The following RNMT variants were observed in gnomAD, a reference collection of about 807,000 sequenced individuals.
The protein encoded by RNMT is mRNA cap guanine-N(7) methyltransferase.
Under a neutral mutation model 56.0 loss-of-function variants are expected in RNMT, and 27 were observed. The observed-to-expected ratio is 0.48, with a 90% CI of 0.36 to 0.67. The LOEUF (loss-of-function observed/expected upper bound fraction) is 0.67. Among genes scored for constraint, RNMT ranks in the 30% least tolerant of loss-of-function variants. RNMT has a pLI of 0.00. For missense variants in RNMT, 519 were observed against 552.1 expected (o/e 0.94, Z 0.60); for synonymous variants, 184 against 176.2 (o/e 1.04, Z -0.35).
intron 11 of RNMT, among the ~76,000 whole-genome samples, chr18:13,756,419 T>G (rs2044543870): frequency 6.6e-6 from 1 of 151,736 alleles, no homozygotes; most frequent in African/African-American, 2.4e-5. Context: ...TTGCTATGGG[T>G]GTGTGGGGGG....
Position 13,726,740 on chromosome 18 carries a change from C to CG in RNMT, c.-172+13dup, listed in dbSNP as rs2043959988. ...CGTTTGGCTGTGCTGGTGAGTGTGACGGCTGGAACTCCGGCCCTTCCTTTC... is the reference window on the plus strand; with the variant it reads ...CGTTTGGCTGTGCTGGTGAGTGTGACGGGCTGGAACTCCGGCCCTTCCTTTC... On this transcript the variant is annotated intron_variant, in intron 1 of 11. Coordinates refer to ENST00000383314, the MANE Select transcript of RNMT (RefSeq NM_003799.3). 2 of 152,362 alleles carry CG rather than the reference C, an allele frequency of 1.3e-5. No homozygotes were observed. Among genetic ancestry groups the CG allele is most frequent in the African/African-American group, 2.4e-5 (1 of 41,460 alleles). 9.4% of individuals were successfully genotyped at this position (152,362 alleles called of 1,614,324 possible).
chr18:13,743,945 TTACA>T (rs2044302376), intron 8 of RNMT, among the ~76,000 whole-genome samples: 1 of 152,008 alleles, frequency 6.6e-6, no homozygotes, highest in African/African-American at 2.4e-5. Flanking sequence ...AAAATATCAA[TTACA>T]TTTTCCTTTT....
intron 9 of RNMT, among the ~76,000 whole-genome samples, chr18:13,746,671 C>T (rs146152016): frequency 1.3e-5 from 2 of 152,312 alleles, no homozygotes; most frequent in Non-Finnish European, 2.9e-5. Flanking sequence ...CTGGCTTCTA[C>T]GCACTAGATG....
intron 8 of RNMT, 164 bp downstream of exon 8, chr18:13,742,816 A>T: frequency 3.7e-6 from 2 of 538,126 alleles, no homozygotes; most frequent in Non-Finnish European, 6.3e-6. Flanking sequence ...ACAAAACAAG[A>T]CTAGCTTCAC....
intron 8 of RNMT, 52 bp downstream of exon 8, chr18:13,742,704 A>G: frequency 7.7e-7 from 1 of 1,293,342 alleles, no homozygotes; most frequent in Non-Finnish European, 1.1e-6. Flanking sequence ...AAGGGAAAGA[A>G]AAGCGGGGAA....
rs1379263211 is a variant in RNMT, at chr18:13,761,843, AC to A, written c.*1870del. On this transcript the variant is annotated 3_prime_UTR_variant, in exon 12 of 12. Transcript: ENST00000383314. ...ATCAGTTCTTCCTCCACCACCCTAC[AC>A]CCCCCTCCCCCCGGCCCCAAGCCCC... is the stretch of plus-strand genomic sequence containing the variant. The A allele has an allele frequency of 7.8e-6, 9 of 1,149,678 alleles. No homozygotes were observed. Among genetic ancestry groups the A allele is most frequent in the Non-Finnish European group, 8.7e-6 (8 of 920,680 alleles). The allele number at this position is 1,149,678 out of a possible 1,614,324, so 71.2% of individuals were successfully genotyped here. A position where few individuals can be genotyped will look rare whatever the true frequency, so the allele number is the denominator to read the frequency against.
chr18:13,740,263 C>T lies in RNMT; in HGVS notation c.776C>T (p.Thr259Ile), dbSNP rs2149091036. ...TATATTTTCAGTGCAGAATTTATAA[C>T]TGCTGACAGCTCAAAGGTACAGTTT... ...SEYIFSAEFI[T>I]ADSSKELLID... The change falls in exon 6 of 12, where the codon ACT becomes ATT. Residue 259 changes from threonine (T) to isoleucine (I), a missense_variant. Transcript: ENST00000383314. 3.2e-6 allele frequency: 5 copies of T among 1,551,932 alleles called. No homozygotes were observed. Among genetic ancestry groups the T allele is most frequent in the African/African-American group, 1.4e-5 (1 of 73,760 alleles).
At chr18:13,737,216 A>C (rs375616582) in intron 5 of RNMT, 81 bp downstream of exon 5, 1 of 1,311,906 alleles carries the variant, frequency 7.6e-7, no homozygotes, top group Non-Finnish European at 1.1e-6. Context: ...AAATTGCAAG[A>C]TATCTGGGAC....
chr18:13,727,883 AT>A (rs2043989625), intron 1 of RNMT, among the ~76,000 whole-genome samples: 1 of 152,194 alleles, frequency 6.6e-6, no homozygotes, highest in South Asian at 2.1e-4. Context: ...AGTTAACATA[AT>A]GACATCCGGT....
chr18:13,751,309 A>G (rs2044441754), intron 9 of RNMT, among the ~76,000 whole-genome samples: 1 of 152,266 alleles, frequency 6.6e-6, no homozygotes, highest in South Asian at 2.1e-4. Context: ...TGGGCAAAGG[A>G]TATGAACAGA....
At chr18:13,745,179 G>GTCTGTATCCTA (rs1568507358) in intron 8 of RNMT, among the ~76,000 whole-genome samples, 2 of 152,194 alleles carry the variant, frequency 1.3e-5, no homozygotes, top group Admixed American at 1.3e-4. Context: ...GAATGTCTTC[G>GTCTGTATCCTA]AGACCATGTT....
At chr18:13,737,441 G>A (rs2044181041) in intron 5 of RNMT, among the ~76,000 whole-genome samples, 1 of 151,994 alleles carries the variant, frequency 6.6e-6, no homozygotes, top group Non-Finnish European at 1.5e-5. Context: ...TACTCAGGAA[G>A]CTGAGGCAGG....
chr18:13,757,778 G>C (rs2044568019), intron 11 of RNMT, among the ~76,000 whole-genome samples: 1 of 152,282 alleles, frequency 6.6e-6, no homozygotes, highest in African/African-American at 2.4e-5. Context: ...TATCTAGAAT[G>C]GGGAATCATT....
chr18:13,756,220 C>G (rs961225786), intron 11 of RNMT, among the ~76,000 whole-genome samples: 2 of 152,092 alleles, frequency 1.3e-5, no homozygotes, highest in Non-Finnish European at 2.9e-5. Flanking sequence ...AAGTGGTTCA[C>G]GATTTGATTT....
intron 4 of RNMT, among the ~76,000 whole-genome samples, chr18:13,736,078 T>C (rs1285204579): frequency 1.3e-5 from 2 of 152,242 alleles, no homozygotes; most frequent in African/African-American, 4.8e-5. Context: ...TGTATATAAA[T>C]GCAGAGATTT....
At chr18:13,734,119 T>G (rs1012422770) in intron 3 of RNMT, among the ~76,000 whole-genome samples, 4 of 152,158 alleles carry the variant, frequency 2.6e-5, no homozygotes, top group African/African-American at 9.7e-5. Context: ...GCTCTCATTG[T>G]CTCTTGCCTG....
At chr18:13,742,277 G>A (rs1215817323) in intron 7 of RNMT, among the ~76,000 whole-genome samples, 1 of 151,128 alleles carries the variant, frequency 6.6e-6, no homozygotes, top group Non-Finnish European at 1.5e-5. Context: ...GGTGGCTGTA[G>A]TGAGCTATGA....
At chr18:13,742,356 T>C in intron 7 of RNMT, 132 bp from the exon 8 acceptor site, 3 of 685,834 alleles carry the variant, frequency 4.4e-6, no homozygotes, top group East Asian at 6.3e-5. Context: ...AAAAAAAAGG[T>C]AGCCCAGATA....
rs2044653784 is a variant in RNMT at position 13,764,302 on chromosome 18, A to G, written c.*4323A>G. 6.6e-6 allele frequency: 1 copy of G among 152,228 alleles called. No homozygotes were observed. The highest frequency in any genetic ancestry group is 2.4e-5 in the African/African-American group (1 of 41,462). 9.4% of individuals were successfully genotyped at this position (152,228 alleles called of 1,614,324 possible). On this transcript the variant is annotated 3_prime_UTR_variant, in exon 12 of 12. Coordinates refer to ENST00000383314, the MANE Select transcript of RNMT (RefSeq NM_003799.3). ...AGCACGTGCATACAATCGGCACCCCAGAAGCCCCCCGTCAGATTCCCTTCC... is the reference window on the plus strand; with the variant it reads ...AGCACGTGCATACAATCGGCACCCCGGAAGCCCCCCGTCAGATTCCCTTCC...
Sources: gnomAD v4.1 joint callset for allele counts (sites outside exome capture counted in the v4.1 genomes callset) on GRCh38, gnomAD v4.1.1 for gene constraint, MANE v1.5 for transcripts, NCBI Gene and HGNC (gene_info 2026-07-23, HGNC 2026-07-21) for gene names.